Variants in ST3GAL5 observed in about 807,000 individuals in gnomAD.
ST3GAL5 encodes ST3 beta-galactoside alpha-2,3-sialyltransferase 5.
In ST3GAL5, 25 loss-of-function variants were observed where a neutral mutation model predicts 46.1. That is an observed-to-expected ratio of 0.54 (90% CI 0.40 to 0.76). The LOEUF (loss-of-function observed/expected upper bound fraction) is 0.76. Ranked by LOEUF, ST3GAL5 falls within the 30% of genes least tolerant of loss-of-function variation. ST3GAL5 has a pLI of 0.00. For missense variants in ST3GAL5, 431 were observed against 521.2 expected, an observed-to-expected ratio of 0.83 and a Z score of 1.69; for synonymous variants, 182 against 192.7, an observed-to-expected ratio of 0.94 and a Z score of 0.46.
intron 5 of ST3GAL5, chr2:85,844,780 T>C (rs1682577445): frequency 1.0e-5 from 6 of 594,650 alleles, no homozygotes; most frequent in Non-Finnish European, 1.8e-5. Context: ...GACAAAGAGA[T>C]GAATTGCAGA....
chr2:85,862,280 C>T (rs1684811802), intron 2 of ST3GAL5, among the ~76,000 whole-genome samples: 1 of 151,896 alleles, frequency 6.6e-6, no homozygotes. Context: ...CATGGCAGAG[C>T]ACACACACAC....
intron 1 of ST3GAL5, among the ~76,000 whole-genome samples, chr2:85,873,806 C>A (rs1387911571): frequency 1.3e-5 from 2 of 152,154 alleles, no homozygotes; most frequent in African/African-American, 4.8e-5. Context: ...AAAAAAACAA[C>A]CACTGGAAGA....
At chr2:85,862,427 A>AT (rs1363314504) in intron 2 of ST3GAL5, among the ~76,000 whole-genome samples, 1 of 152,178 alleles carries the variant, frequency 6.6e-6, no homozygotes, top group Non-Finnish European at 1.5e-5. Flanking sequence ...TGAAAACCTA[A>AT]TATTACCTAT....
At chr2:85,869,555 T>C (rs1358618664) in intron 1 of ST3GAL5, among the ~76,000 whole-genome samples, 1 of 152,192 alleles carries the variant, frequency 6.6e-6, no homozygotes, top group Non-Finnish European at 1.5e-5. Flanking sequence ...CTTGATCATC[T>C]CTTTAGTATG....
At chr2:85,869,617 A>C (rs1044977556) in intron 1 of ST3GAL5, among the ~76,000 whole-genome samples, 2 of 152,200 alleles carry the variant, frequency 1.3e-5, no homozygotes, top group African/African-American at 4.8e-5. Context: ...GCAGAAACAA[A>C]TCATGAGGAA....
chr2:85,872,086 C>T (rs1350150843), intron 1 of ST3GAL5, among the ~76,000 whole-genome samples: 1 of 152,014 alleles, frequency 6.6e-6, no homozygotes, highest in Non-Finnish European at 1.5e-5. Context: ...ACTGTGGTGT[C>T]CAGGCAGGAG....
chr2:85,852,745 A>AG (rs1357926430), intron 3 of ST3GAL5: 2 of 549,156 alleles, frequency 3.6e-6, no homozygotes, highest in African/African-American at 4.0e-5. Flanking sequence ...ATCAACTGTT[A>AG]GAAAAAAAAA....
chr2:85,873,859 TC>T (rs1686221624), intron 1 of ST3GAL5, among the ~76,000 whole-genome samples: 1 of 152,058 alleles, frequency 6.6e-6, no homozygotes, highest in African/African-American at 2.4e-5. Context: ...CCCCAGAATG[TC>T]CCCCCTGGTG....
chr2:85,851,146 A>G (rs1683459282), intron 3 of ST3GAL5: 3 of 605,932 alleles, frequency 5.0e-6, no homozygotes, highest in South Asian at 6.0e-5. Flanking sequence ...CAAACTCCTG[A>G]CCTAGTGATC....
rs1459557241 is a variant in ST3GAL5, at chr2:85,837,435, G to A, written c.*2709C>T. ...ATTGGTAGTTACCAGAGGCCAAGAA[G>A]GGTAGGGGGAAATGAAGAGAGGTTG... On this transcript the variant is annotated 3_prime_UTR_variant, in exon 7 of 7. Transcript: ENST00000638572. The A allele has an allele frequency of 6.6e-6, 1 of 152,170 alleles. No homozygotes were observed. The highest frequency in any genetic ancestry group is 1.5e-5 in the Non-Finnish European group (1 of 68,032). The allele number at this position is 152,170 out of a possible 1,614,324, so 9.4% of individuals were successfully genotyped here. A position where few individuals can be genotyped will look rare whatever the true frequency, so the allele number is the denominator to read the frequency against.
At chr2:85,846,608 T>C in intron 4 of ST3GAL5, 45 bp from the exon 5 acceptor site, 1 of 1,586,274 alleles carries the variant, frequency 6.3e-7, no homozygotes, top group Non-Finnish European at 8.7e-7. Context: ...AAGCAGGCCA[T>C]CAACCATCTC....
At chr2:85,859,557 A>G (rs955256357) in intron 3 of ST3GAL5, among the ~76,000 whole-genome samples, 4 of 152,174 alleles carry the variant, frequency 2.6e-5, no homozygotes, top group Non-Finnish European at 5.9e-5. Flanking sequence ...GCCAGCAGAC[A>G]CCTGAGGACA....
At chr2:85,870,429 C>T (rs540216825) in intron 1 of ST3GAL5, among the ~76,000 whole-genome samples, 12 of 152,164 alleles carry the variant, frequency 7.9e-5, no homozygotes, top group Non-Finnish European at 1.0e-4. Context: ...GCTCCCTCCT[C>T]GTTCTCCTTT....
At chr2:85,872,584 CAAA>C (rs11298476) in intron 1 of ST3GAL5, among the ~76,000 whole-genome samples, 11 of 136,838 alleles carry the variant, frequency 8.0e-5, no homozygotes, top group Middle Eastern at 4.0e-3. Context: ...AGCTCCATCT[CAAA>C]AAAAAAAAAA....
In ST3GAL5 at chr2:85,840,478, G is replaced by A. The variant is rs758084015; in HGVS notation, c.1009-86C>T. On this transcript the variant is annotated intron_variant, in intron 6 of 6. Transcript: ENST00000638572. ...GCTGGTATTACACATGCTACGCAGA[G>A]TCATGAAAGCTACATTGGGGGCTGC... The A allele has an allele frequency of 5.5e-6, 8 of 1,465,812 alleles. No homozygotes were observed. The South Asian group carries it at 7.2e-5, about 13-fold the overall frequency. The allele number at this position is 1,465,812 out of a possible 1,614,324, so 90.8% of individuals were successfully genotyped here. A position where few individuals can be genotyped will look rare whatever the true frequency, so the allele number is the denominator to read the frequency against.
rs371169669 is a variant in ST3GAL5 at position 85,863,636 on chromosome 2, A to C, written c.83-151T>G. The C allele has an allele frequency of 4.8e-6, 4 of 841,886 alleles. No homozygotes were observed. In the African/African-American group the frequency reaches 5.0e-5, roughly 11 times the overall value. The allele number at this position is 841,886 out of a possible 1,614,324, so 52.2% of individuals were successfully genotyped here. On this transcript the variant is annotated intron_variant, in intron 1 of 6. Transcript: ENST00000638572. ...AGAATGAACTGTTGTTACATGCAAC[A>C]AAGTGGGTGAATCTAGAGGGAACTA...
At chr2:85,851,547 G>C (rs1247541950) in intron 3 of ST3GAL5, 6 of 1,289,276 alleles carry the variant, frequency 4.7e-6, no homozygotes, top group Admixed American at 4.6e-5. Context: ...TGCACAACCA[G>C]ACATCATTGT....
In ST3GAL5 at chr2:85,888,922, C is replaced by A; in HGVS notation, c.-17G>T. 1.5e-6 allele frequency: 2 copies of A among 1,342,722 alleles called. No individual in the cohort carries two copies. 83.2% of individuals were successfully genotyped at this position (1,342,722 alleles called of 1,614,324 possible). A position where few individuals can be genotyped will look rare whatever the true frequency, so the allele number is the denominator to read the frequency against. ...CGTCCGCATACTAATGAGGGGGCGC[C>A]GGCCGGCCGCCAGCCCGGTACCCCG... On this transcript the variant is annotated 5_prime_UTR_variant, in exon 1 of 7. Transcript: ENST00000638572.
At chr2:85,847,665 T>C in intron 4 of ST3GAL5, 196 bp downstream of exon 4, 1 of 1,320,778 alleles carries the variant, frequency 7.6e-7, no homozygotes, top group South Asian at 1.6e-5. Flanking sequence ...ACGCGTGGTG[T>C]GTGCCTGGGG....
Sources: allele counts gnomAD v4.1 joint callset (sites outside exome capture counted in the v4.1 genomes callset), GRCh38; gene constraint gnomAD v4.1.1; transcripts MANE v1.5; gene names NCBI Gene and HGNC (gene_info 2026-07-23, HGNC 2026-07-21).